Variants in ANKS1B observed in about 807,000 individuals in gnomAD.
ANKS1B encodes the protein ankyrin repeat and sterile alpha motif domain containing 1B.
A neutral mutation model predicts 148.3 loss-of-function variants in ANKS1B; 36 were observed. The observed-to-expected ratio is 0.24, with a 90% CI of 0.19 to 0.32. The LOEUF is 0.32. Ranked by LOEUF, ANKS1B falls within the 10% of genes least tolerant of loss-of-function variation. The pLI is 1.00. For synonymous variants in ANKS1B, 542 were observed against 560.8 expected, an observed-to-expected ratio of 0.97 and a Z score of 0.47; for missense variants, 1,157 against 1,542.6, an observed-to-expected ratio of 0.75 and a Z score of 4.19.
intron 8 of ANKS1B, among the ~76,000 whole-genome samples, chr12:99,731,188 G>A (rs112679718): frequency 1.6e-3 from 228 of 146,876 alleles, no homozygotes; most frequent in African/African-American, 5.4e-3. Context: ...GCACGATCTC[G>A]GCTCACCGCA....
chr12:99,409,857 G>A (rs1040109939), intron 11 of ANKS1B, among the ~76,000 whole-genome samples: 6 of 152,150 alleles, frequency 3.9e-5, no homozygotes, highest in African/African-American at 1.4e-4. Context: ...AAGAAAAAGT[G>A]TTTTCACAAA....
intron 10 of ANKS1B, among the ~76,000 whole-genome samples, chr12:99,482,310 G>A (rs2096423881): frequency 6.6e-6 from 1 of 151,816 alleles, no homozygotes; most frequent in Non-Finnish European, 1.5e-5. Context: ...TTATGTATTT[G>A]TCTGCTTTGT....
At chr12:99,520,833 G>T (rs901955688) in intron 9 of ANKS1B, among the ~76,000 whole-genome samples, 1 of 152,164 alleles carries the variant, frequency 6.6e-6, no homozygotes, top group South Asian at 2.1e-4. Flanking sequence ...TTTCGCTCTT[G>T]TTGCCCAGGC....
At chr12:99,015,421 T>G (rs1035157124) in intron 17 of ANKS1B, among the ~76,000 whole-genome samples, 1 of 152,144 alleles carries the variant, frequency 6.6e-6, no homozygotes, top group Non-Finnish European at 1.5e-5. Flanking sequence ...GGTATTAGGC[T>G]TAATACTTGG....
At chr12:99,946,002 C>G (rs1288821724) in intron 1 of ANKS1B, among the ~76,000 whole-genome samples, 1 of 152,114 alleles carries the variant, frequency 6.6e-6, no homozygotes, top group Non-Finnish European at 1.5e-5. Flanking sequence ...GAATGCAGAG[C>G]CAATATCTGG....
chr12:99,251,837 G>A (rs1395071589), intron 12 of ANKS1B, among the ~76,000 whole-genome samples: 1 of 152,064 alleles, frequency 6.6e-6, no homozygotes, highest in Non-Finnish European at 1.5e-5. Context: ...AGGATACCGG[G>A]GCTGATGTTG....
chr12:98,812,489 C>T (rs73380428), intron 19 of ANKS1B, among the ~76,000 whole-genome samples: 201 of 152,252 alleles, frequency 1.3e-3, no homozygotes, highest in African/African-American at 4.5e-3. Flanking sequence ...TTAGGTTATG[C>T]GTAACTGTCA....
At chr12:99,343,193 G>A (rs1603177361) in intron 12 of ANKS1B, among the ~76,000 whole-genome samples, 1 of 151,940 alleles carries the variant, frequency 6.6e-6, no homozygotes, top group Non-Finnish European at 1.5e-5. Flanking sequence ...TAAAATGTGT[G>A]ACCATTGAAA....
intron 17 of ANKS1B, among the ~76,000 whole-genome samples, chr12:98,975,030 CT>C (rs1399177843): frequency 7.6e-6 from 1 of 130,890 alleles, no homozygotes; most frequent in Non-Finnish European, 1.6e-5. Context: ...CCCTCCCTTC[CT>C]TCCTTTTCCT....
chr12:99,766,145 T>A (rs2062624578), intron 8 of ANKS1B, among the ~76,000 whole-genome samples: 2 of 152,222 alleles, frequency 1.3e-5, no homozygotes, highest in African/African-American at 2.4e-5. Context: ...TACACTTTTA[T>A]ATGCAGTCTT....
intron 17 of ANKS1B, among the ~76,000 whole-genome samples, chr12:99,004,339 T>TA (rs147601733): frequency 0.036 from 5,411 of 152,310 alleles, 340 homozygotes; most frequent in African/African-American, 0.12. Flanking sequence ...TGTTCCCATT[T>TA]AAAAACAGGG....
At chr12:98,894,555 G>C in intron 17 of ANKS1B, 3 of 983,828 alleles carry the variant, frequency 3.0e-6, no homozygotes, top group Non-Finnish European at 3.6e-6. Flanking sequence ...TGCCCCGGCT[G>C]CGGCACCACT....
chr12:99,834,409 T>C (rs954499657), intron 1 of ANKS1B, among the ~76,000 whole-genome samples: 4 of 152,210 alleles, frequency 2.6e-5, no homozygotes, highest in African/African-American at 9.6e-5. Context: ...TGAGAATTAC[T>C]GCCCAAAATG....
intron 12 of ANKS1B, among the ~76,000 whole-genome samples, chr12:99,329,507 T>C (rs183470682): frequency 6.6e-6 from 1 of 151,934 alleles, no homozygotes; most frequent in Non-Finnish European, 1.5e-5. Flanking sequence ...TCTTGATATA[T>C]AATTTTAAGC....
At chr12:99,381,832 A>G (rs2093654847) in intron 12 of ANKS1B, among the ~76,000 whole-genome samples, 1 of 152,220 alleles carries the variant, frequency 6.6e-6, no homozygotes, top group Non-Finnish European at 1.5e-5. Flanking sequence ...TTTCTTACAG[A>G]TGATTATGCT....
At chr12:99,702,709 AT>A (rs1161148335) in intron 8 of ANKS1B, among the ~76,000 whole-genome samples, 1,498 of 109,650 alleles carry the variant, frequency 0.014, 13 homozygotes, top group African/African-American at 0.028. Flanking sequence ...AACCCAGCTA[AT>A]TTTTTTTTTT....
chr12:98,801,156 T>C lies in ANKS1B; in HGVS notation c.3142-31A>G, dbSNP rs377732193. On this transcript the variant is annotated intron_variant, in intron 20 of 26. Coordinates refer to ENST00000683438, the MANE Select transcript of ANKS1B (RefSeq NM_001352186.2). The surrounding 1 kb of genome is among the most constrained non-coding windows in gnomAD (Gnocchi z 5.2). ...AATGACATTTATTCTAGAGGCAATA[T>C]GAGCAGTCAGCAAAGTTCATTCCCT... The C allele has an allele frequency of 8.7e-6, 14 of 1,607,964 alleles. No individual in the cohort carries two copies. Among genetic ancestry groups the C allele is most frequent in the Non-Finnish European group, 1.2e-5 (14 of 1,176,914 alleles).
chr12:99,275,988 C>T (rs2077620513), intron 12 of ANKS1B, among the ~76,000 whole-genome samples: 1 of 152,152 alleles, frequency 6.6e-6, no homozygotes, highest in Non-Finnish European at 1.5e-5. Context: ...GATGATGCTT[C>T]CCTGAGAATG....
intron 1 of ANKS1B, among the ~76,000 whole-genome samples, chr12:99,933,115 G>T (rs2094667017): frequency 6.6e-6 from 1 of 152,000 alleles, no homozygotes; most frequent in South Asian, 2.1e-4. Context: ...CTGTTCCATT[G>T]GTCTGTGTCT....
Sources: gnomAD v4.1 joint callset for allele counts (sites outside exome capture counted in the v4.1 genomes callset) on GRCh38, gnomAD v4.1.1 for gene constraint, Gnocchi (gnomAD v3.1) non-coding constraint, MANE v1.5 for transcripts, NCBI Gene and HGNC (gene_info 2026-07-23, HGNC 2026-07-21) for gene names.